Variants in ZNF395 observed in about 807,000 individuals in gnomAD.
ZNF395 encodes zinc finger protein 395, also known as HD gene regulatory region-binding protein 2.
In ZNF395, 20 loss-of-function variants were observed where a neutral mutation model predicts 57.7. The observed-to-expected ratio is 0.35, with a 90% confidence interval of 0.24 to 0.50. The LOEUF (loss-of-function observed/expected upper bound fraction) is 0.50. Ranked by LOEUF, ZNF395 falls within the 20% of genes least tolerant of loss-of-function variation. The pLI, the probability that ZNF395 is intolerant of heterozygous loss-of-function variation, is 0.97. For synonymous variants in ZNF395, 295 were observed against 275.9 expected (o/e 1.07, Z -0.69); for missense variants, 606 against 671.2 (o/e 0.90, Z 1.07).
Position 28,352,806 on chromosome 8 carries a change from TG to T in ZNF395, c.820-134del, listed in dbSNP as rs1389594593. ...AAAAACCTCCAGGAAAGGGGTTCTC[TG>T]GGACCAGAGAAACTTACAACCAGGG... On this transcript the variant is annotated intron_variant, in intron 5 of 9. Transcript: ENST00000344423. This position sits in a 1 kb window ranked among gnomAD's most constrained non-coding sequence, Gnocchi z 4.0. The T allele has an allele frequency of 2.8e-6, 2 of 707,194 alleles. No homozygotes were observed. Among genetic ancestry groups the T allele is most frequent in the Admixed American group, 2.7e-5 (1 of 37,140 alleles). 43.8% of individuals were successfully genotyped at this position (707,194 alleles called of 1,614,324 possible). A position where few individuals can be genotyped will look rare whatever the true frequency, so the allele number is the denominator to read the frequency against.
Position 28,353,288 on chromosome 8 carries a change from G to T in ZNF395, c.704C>A (p.Pro235His), listed in dbSNP as rs1186856945. 5.6e-6 allele frequency: 9 copies of T among 1,610,806 alleles called. No individual in the cohort carries two copies. Among genetic ancestry groups the T allele is most frequent in the East Asian group, 2.2e-5 (1 of 44,836 alleles). The change falls in exon 5 of 10, where the codon CCC becomes CAC. Residue 235 changes from proline to histidine, a missense_variant. Coordinates refer to ENST00000344423, the MANE Select transcript of ZNF395 (RefSeq NM_018660.3). Reference sequence around the variant, plus strand: ...CCCCAAATACTTGGGGCTGGCCTGGGGGTGGGGGGGCGAGGGGGTGGAGAC... The same window carrying T: ...CCCCAAATACTTGGGGCTGGCCTGGTGGTGGGGGGGCGAGGGGGTGGAGAC... ...SGVSTPSPPH[P>H]QASPKYLGDA...
intron 1 of ZNF395, among the ~76,000 whole-genome samples, chr8:28,384,579 C>G (rs1384540348): frequency 6.6e-6 from 1 of 152,218 alleles, no homozygotes; most frequent in African/African-American, 2.4e-5. Context: ...TCATCTCTTA[C>G]ACCTTCTGTC....
chr8:28,383,785 GT>G (rs1802138627), intron 1 of ZNF395, among the ~76,000 whole-genome samples: 1 of 151,722 alleles, frequency 6.6e-6, no homozygotes, highest in Non-Finnish European at 1.5e-5. Flanking sequence ...CTGCAACACT[GT>G]CCCCCCTGGG....
chr8:28,370,778 G>A (rs997113346), intron 1 of ZNF395, among the ~76,000 whole-genome samples: 4 of 152,210 alleles, frequency 2.6e-5, no homozygotes, highest in African/African-American at 9.6e-5. Context: ...GCCACCTCAG[G>A]CCAGCAGGTA....
chr8:28,353,508 G>T, intron 4 of ZNF395, 100 bp from the exon 5 acceptor site: 1 of 931,392 alleles, frequency 1.1e-6, no homozygotes, highest in Non-Finnish European at 1.6e-6. Flanking sequence ...GTTCATTCAT[G>T]GCAGCAATTT....
Position 28,359,659 on chromosome 8 carries a change from G to T in ZNF395, c.406C>A (p.Pro136Thr), listed in dbSNP as rs1461702582. 30 of 1,613,742 alleles carry T rather than the reference G, an allele frequency of 1.9e-5. No individual in the cohort carries two copies. The highest frequency in any genetic ancestry group is 6.7e-5 in the Admixed American group (4 of 60,004). The change falls in exon 3 of 10, where the codon CCC becomes ACC. Residue 136 changes from proline to threonine, a missense_variant. Physicochemically the swap from Pro to Thr is conservative, Grantham distance 38. Coordinates refer to ENST00000344423, the MANE Select transcript of ZNF395 (RefSeq NM_018660.3). The surrounding 1 kb of genome is among the most constrained non-coding windows in gnomAD (Gnocchi z 4.7). ...AGGGCCTGGGCTCCGGGCTCCAGGGGTGGTGCCTGGGGACAGGGGCCCTGC... is the reference window on the plus strand; with the variant it reads ...AGGGCCTGGGCTCCGGGCTCCAGGGTTGGTGCCTGGGGACAGGGGCCCTGC... The part of the protein sequence containing the change: ...ELQGPCPQAP[P>T]LEPGAQALAY...
chr8:28,364,078 G>C (rs1480185629), intron 1 of ZNF395, among the ~76,000 whole-genome samples: 3 of 152,206 alleles, frequency 2.0e-5, no homozygotes, highest in Non-Finnish European at 4.4e-5. Context: ...AGAGGTACTA[G>C]CTTTCATAAA....
chr8:28,366,983 C>T lies in ZNF395; in HGVS notation c.-58-5801G>A, dbSNP rs184331410. ...TCTGGAATTACCAGGTCCTGTTACC[C>T]TATTTTTAAGAGGGGTGTGGTGTGT... On this transcript the variant is annotated intron_variant, in intron 1 of 9. Transcript: ENST00000344423. Among the ~76,000 whole-genome samples the T allele has an allele frequency of 5.7e-3, 869 of 151,964 alleles. 4 individuals carry two copies. Among genetic ancestry groups the T allele is most frequent in the Non-Finnish European group, 7.6e-3 (519 of 67,998 alleles).
intron 1 of ZNF395, among the ~76,000 whole-genome samples, chr8:28,369,188 G>A (rs934244203): frequency 1.4e-5 from 2 of 147,638 alleles, no homozygotes; most frequent in African/African-American, 5.0e-5. Flanking sequence ...AACACTATTT[G>A]GAACTCAAAA....
intron 1 of ZNF395, among the ~76,000 whole-genome samples, chr8:28,365,170 T>C (rs1801896288): frequency 1.3e-5 from 2 of 152,178 alleles, no homozygotes; most frequent in Admixed American, 6.5e-5. Flanking sequence ...ACTCATGACA[T>C]TTACAGATGC....
At chr8:28,369,396 C>A (rs1801950957) in intron 1 of ZNF395, among the ~76,000 whole-genome samples, 1 of 152,154 alleles carries the variant, frequency 6.6e-6, no homozygotes, top group Non-Finnish European at 1.5e-5. Flanking sequence ...ACTCACCTGG[C>A]TGGAATTAAC....
intron 1 of ZNF395, among the ~76,000 whole-genome samples, chr8:28,385,661 C>T (rs1802168568): frequency 6.8e-6 from 1 of 147,232 alleles, no homozygotes; most frequent in South Asian, 2.1e-4. Context: ...GCGGGAGGGC[C>T]GGGCGGGCGG....
At position 28,348,742 on chromosome 8, in the gene ZNF395, CCTT is replaced by C. The variant is rs1175335435; in HGVS notation, c.1516_1518del (p.Lys506del). The C allele has an allele frequency of 6.2e-7, 1 of 1,614,066 alleles. No homozygotes were observed. The highest frequency in any genetic ancestry group is 8.5e-7 in the Non-Finnish European group (1 of 1,180,016). On this transcript the variant is annotated inframe_deletion, in exon 10 of 10. Coordinates refer to ENST00000344423, the MANE Select transcript of ZNF395 (RefSeq NM_018660.3). ...GCTCAGTCCAGAAAGCGCTGGCAGG[CCTT>C]CTTCCACCGGCAGGCCGTGCACCAC...
Position 28,360,836 on chromosome 8 carries a change from C to A in ZNF395, c.240+49G>T, listed in dbSNP as rs779631911. The A allele has an allele frequency of 6.2e-6, 10 of 1,600,068 alleles. No homozygotes were observed. In the Admixed American group the frequency reaches 1.2e-4, roughly 19 times the overall value. On this transcript the variant is annotated intron_variant, in intron 2 of 9. Transcript: ENST00000344423. ...GTCACTAGGGCACCCCAGCCCCCTA[C>A]CCCAAGACTGGCAAGACGGGACACC...
chr8:28,353,540 CCTCG>C, intron 4 of ZNF395, 132 bp from the exon 5 acceptor site: 2 of 672,006 alleles, frequency 3.0e-6, no homozygotes, highest in Non-Finnish European at 4.9e-6. Context: ...ACTGCTCTAC[CCTCG>C]CAGACATTTC....
Position 28,382,019 on chromosome 8 carries a change from C to T in ZNF395, c.-59+4374G>A, listed in dbSNP as rs200793335. On this transcript the variant is annotated intron_variant, in intron 1 of 9. Transcript: ENST00000344423. ...CACTCCTACCCGGAATCCTCAGTGG[C>T]CACCCAGAGCCCATGACAGCAATCC... Among the ~76,000 whole-genome samples the T allele has an allele frequency of 1.6e-4, 24 of 152,302 alleles. No homozygotes were observed. In the East Asian group the frequency reaches 4.6e-3, roughly 29 times the overall value.
At chr8:28,377,153 T>C (rs1802051522) in intron 1 of ZNF395, among the ~76,000 whole-genome samples, 1 of 152,228 alleles carries the variant, frequency 6.6e-6, no homozygotes, top group African/African-American at 2.4e-5. Flanking sequence ...GGGCGGATTC[T>C]AAATAAAGCA....
At chr8:28,367,887 T>A (rs935810124) in intron 1 of ZNF395, among the ~76,000 whole-genome samples, 12 of 152,190 alleles carry the variant, frequency 7.9e-5, no homozygotes, top group African/African-American at 2.9e-4. Flanking sequence ...GGCAAAAGTA[T>A]CAAGAGCATT....
chr8:28,379,228 A>T (rs1380269170), intron 1 of ZNF395, among the ~76,000 whole-genome samples: 1 of 152,236 alleles, frequency 6.6e-6, no homozygotes, highest in East Asian at 1.9e-4. Flanking sequence ...TCCAGGATCA[A>T]GTCTTCTTGC....
Sources: allele counts gnomAD v4.1 joint callset (sites outside exome capture counted in the v4.1 genomes callset), GRCh38; gene constraint gnomAD v4.1.1; non-coding constraint Gnocchi (gnomAD v3.1); transcripts MANE v1.5; gene names NCBI Gene and HGNC (gene_info 2026-07-23, HGNC 2026-07-21).